Variants in NUP98 observed in about 807,000 individuals in gnomAD.
The protein encoded by NUP98 is nuclear pore complex protein Nup98-Nup96.
In NUP98, 26 loss-of-function variants were observed where a neutral mutation model predicts 191.9. The observed-to-expected ratio is 0.14, with a 90% confidence interval of 0.10 to 0.19. The LOEUF (loss-of-function observed/expected upper bound fraction) is 0.19, where lower values mean the gene tolerates loss of function less well. NUP98 is among the 10% of genes least tolerant of loss of function. The pLI is 1.00. For missense variants in NUP98, 1,941 were observed against 2,178.8 expected (o/e 0.89, Z 2.17); for synonymous variants, 808 against 778.4 (o/e 1.04, Z -0.63).
Position 3,699,073 on chromosome 11 carries a change from C to G in NUP98, c.4009+9G>C. The stretch of plus-strand genomic sequence containing the variant: ...AGAGGCGCAGAGAAGGACCATATGC[C>G]TTCCCCACCTGACTGCTGGGCCAGA... On this transcript the variant is annotated intron_variant, in intron 25 of 32. Transcript: ENST00000324932. 6.2e-7 allele frequency: 1 copy of G among 1,611,856 alleles called. No individual in the cohort carries two copies. Among genetic ancestry groups the G allele is most frequent in the South Asian group, 1.1e-5 (1 of 90,972 alleles).
chr11:3,753,542 A>C, intron 10 of NUP98, 134 bp from the exon 11 acceptor site: 1 of 625,726 alleles, frequency 1.6e-6, no homozygotes, highest in East Asian at 2.9e-5. Flanking sequence ...CCTAACTTGT[A>C]GGATAACTTA....
At chr11:3,752,831 T>C (rs1341824898) in intron 11 of NUP98, among the ~76,000 whole-genome samples, 1 of 152,062 alleles carries the variant, frequency 6.6e-6, no homozygotes, top group African/African-American at 2.4e-5. Flanking sequence ...CACTGAAAAA[T>C]AGTTGTTAAC....
chr11:3,731,792 T>C (rs1397847209), intron 13 of NUP98, among the ~76,000 whole-genome samples: 1 of 152,190 alleles, frequency 6.6e-6, no homozygotes, highest in African/African-American at 2.4e-5. Context: ...AGAAGTATTT[T>C]GGATTTTTTT....
At chr11:3,789,945 G>T (rs1055829750) in intron 1 of NUP98, among the ~76,000 whole-genome samples, 1 of 151,866 alleles carries the variant, frequency 6.6e-6, no homozygotes, top group Non-Finnish European at 1.5e-5. Context: ...CCACTATACC[G>T]GGTTAATTTT....
intron 12 of NUP98, among the ~76,000 whole-genome samples, chr11:3,737,432 T>G (rs891792514): frequency 2.6e-5 from 4 of 151,736 alleles, no homozygotes; most frequent in Non-Finnish European, 4.4e-5. Context: ...GAGACTATCC[T>G]GGCTAACATG....
intron 10 of NUP98, among the ~76,000 whole-genome samples, chr11:3,758,446 C>T (rs1019286590): frequency 4.6e-5 from 7 of 151,986 alleles, no homozygotes; most frequent in Non-Finnish European, 7.4e-5. Context: ...GGTTGAGAAA[C>T]GCTAACTGAC....
chr11:3,761,497 C>T (rs1171365616), intron 9 of NUP98, among the ~76,000 whole-genome samples: 1 of 152,152 alleles, frequency 6.6e-6, no homozygotes, highest in Non-Finnish European at 1.5e-5. Context: ...TGGTGGCTCA[C>T]GTCTGTAATC....
chr11:3,718,678 TAA>T (rs2079276503), intron 18 of NUP98, among the ~76,000 whole-genome samples: 1 of 152,232 alleles, frequency 6.6e-6, no homozygotes, highest in South Asian at 2.1e-4. Flanking sequence ...TGAAGATAAA[TAA>T]TTTTCACTAC....
chr11:3,794,979 A>G lies in NUP98; in HGVS notation c.-29+2421T>C, dbSNP rs555463678. Among the ~76,000 whole-genome samples the G allele has an allele frequency of 3.9e-5, 6 of 152,328 alleles. No homozygotes were observed. The South Asian group carries it at 1.0e-3, about 26-fold the overall frequency. ...CTTTCAACAAATTACATAACTGCAT[A>G]GTCTCATTATTGGAAATTAAACATT... On this transcript the variant is annotated intron_variant, in intron 1 of 32. Transcript: ENST00000324932.
chr11:3,710,644 C>T (rs1416196921), intron 20 of NUP98, among the ~76,000 whole-genome samples: 1 of 152,132 alleles, frequency 6.6e-6, no homozygotes, highest in Non-Finnish European at 1.5e-5. Flanking sequence ...CTGCTATTTC[C>T]AGTATACTCA....
intron 15 of NUP98, among the ~76,000 whole-genome samples, chr11:3,724,544 C>T (rs1030930785): frequency 5.3e-5 from 8 of 151,854 alleles, no homozygotes; most frequent in Admixed American, 3.3e-4. Flanking sequence ...GTAATACCAA[C>T]GTTTTAGGAG....
chr11:3,695,753 GATCAAAAAC>G (rs988230080), intron 25 of NUP98, 147 bp from the exon 26 acceptor site: 20 of 570,014 alleles, frequency 3.5e-5, no homozygotes, highest in African/African-American at 3.3e-4. Context: ...CCAAAATATT[GATCAAAAAC>G]TTACCATTTT....
intron 25 of NUP98, among the ~76,000 whole-genome samples, chr11:3,697,630 G>A (rs1029803840): frequency 2.0e-5 from 3 of 151,944 alleles, no homozygotes; most frequent in East Asian, 1.9e-4. Context: ...CCAACATGGC[G>A]AAACCCTGTC....
chr11:3,769,763 G>C (rs1032298590), intron 7 of NUP98, among the ~76,000 whole-genome samples: 7 of 151,870 alleles, frequency 4.6e-5, no homozygotes, highest in Admixed American at 4.6e-4. Flanking sequence ...AGGGCTGGAC[G>C]GCCAGCCATG....
chr11:3,766,086 GAAGTA>G (rs928993055), intron 8 of NUP98, among the ~76,000 whole-genome samples: 5 of 152,016 alleles, frequency 3.3e-5, no homozygotes, highest in African/African-American at 7.2e-5. Context: ...TTAAAATTGA[GAAGTA>G]AAGCCAGGTA....
chr11:3,729,543 CAAAAAAAAA>C (rs36045405), intron 14 of NUP98, among the ~76,000 whole-genome samples: 6 of 55,750 alleles, frequency 1.1e-4, no homozygotes, highest in East Asian at 5.0e-4. Flanking sequence ...CCTGTATCTC[CAAAAAAAAA>C]AAAAAAAAAA....
intron 31 of NUP98, 104 bp from the exon 32 acceptor site, chr11:3,676,724 AG>A: frequency 1.1e-6 from 1 of 939,484 alleles, no homozygotes; most frequent in South Asian, 1.3e-5. Context: ...GAGGTGAGGG[AG>A]GGGAAAATCC....
chr11:3,747,282 G>C (rs1247107608), intron 11 of NUP98, among the ~76,000 whole-genome samples: 4 of 152,128 alleles, frequency 2.6e-5, no homozygotes, highest in African/African-American at 9.7e-5. Flanking sequence ...TTCCTTTTGA[G>C]ATATTCCAAA....
intron 1 of NUP98, among the ~76,000 whole-genome samples, chr11:3,796,654 T>G: frequency 6.6e-6 from 1 of 152,304 alleles, no homozygotes; most frequent in Non-Finnish European, 1.5e-5. Context: ...AATGGGAGAC[T>G]GAAATATCCA....
Sources: gnomAD v4.1 joint callset for allele counts (sites outside exome capture counted in the v4.1 genomes callset) on GRCh38, gnomAD v4.1.1 for gene constraint, MANE v1.5 for transcripts, NCBI Gene and HGNC (gene_info 2026-07-23, HGNC 2026-07-21) for gene names.